ARHGAP24: variants seen among roughly 807,000 people sequenced by gnomAD.
ARHGAP24 encodes the protein rho GTPase-activating protein 24.
ARHGAP24 carries 50 observed loss-of-function variants against 76.4 expected under a neutral mutation model. The ratio of observed to expected loss-of-function variants is 0.65; its 90% CI spans 0.52 to 0.83. ARHGAP24 has a LOEUF of 0.83. ARHGAP24 is among the 40% of genes least tolerant of loss of function. The pLI, the probability that ARHGAP24 is intolerant of heterozygous loss-of-function variation, is 0.00. For synonymous variants in ARHGAP24, 345 were observed against 323.3 expected (o/e 1.07, Z -0.72); for missense variants, 930 against 914.2 (o/e 1.02, Z -0.22).
chr4:85,525,966 G>A (rs140214048), intron 1 of ARHGAP24, among the ~76,000 whole-genome samples: 7 of 152,134 alleles, frequency 4.6e-5, no homozygotes, highest in Admixed American at 1.3e-4. Flanking sequence ...ACCCCCAAGG[G>A]CCTGTTCTCA....
intron 2 of ARHGAP24, among the ~76,000 whole-genome samples, chr4:85,584,156 G>A (rs1334520363): frequency 2.0e-5 from 3 of 151,840 alleles, no homozygotes; most frequent in African/African-American, 7.2e-5. Context: ...TGTTTATTGT[G>A]GCACTATTCA....
intron 3 of ARHGAP24, among the ~76,000 whole-genome samples, chr4:85,845,589 T>G (rs1388149770): frequency 2.0e-5 from 3 of 152,222 alleles, no homozygotes; most frequent in Non-Finnish European, 4.4e-5. Context: ...ATATTCCCTG[T>G]TCTTTCCCTT....
chr4:85,589,350 T>C (rs1254471181), intron 2 of ARHGAP24, among the ~76,000 whole-genome samples: 1 of 152,222 alleles, frequency 6.6e-6, no homozygotes, highest in African/African-American at 2.4e-5. Flanking sequence ...TCTTGAAATG[T>C]GTATTTTATT....
chr4:85,663,988 A>G (rs1196884479), intron 2 of ARHGAP24, among the ~76,000 whole-genome samples: 2,239 of 148,384 alleles, frequency 0.015, 55 homozygotes, highest in African/African-American at 0.055. Flanking sequence ...CTCTTTTTTG[A>G]TTTTGTCTCT....
At chr4:85,849,548 A>C (rs922878393) in intron 3 of ARHGAP24, among the ~76,000 whole-genome samples, 1 of 152,186 alleles carries the variant, frequency 6.6e-6, no homozygotes, top group Non-Finnish European at 1.5e-5. Context: ...GAGTGCTTCC[A>C]GTTTTTGCCC....
chr4:85,948,415 C>A (rs1407857120), intron 5 of ARHGAP24, among the ~76,000 whole-genome samples: 3 of 152,032 alleles, frequency 2.0e-5, no homozygotes, highest in Non-Finnish European at 4.4e-5. Context: ...GACATTATTG[C>A]AAAACATGTT....
intron 3 of ARHGAP24, among the ~76,000 whole-genome samples, chr4:85,728,789 G>A (rs75432507): frequency 0.033 from 5,011 of 152,186 alleles, 250 homozygotes; most frequent in African/African-American, 0.11. Context: ...GAGTTTTTGG[G>A]ATAATAATGT....
intron 3 of ARHGAP24, among the ~76,000 whole-genome samples, chr4:85,852,311 G>A (rs935018468): frequency 1.3e-5 from 2 of 152,186 alleles, no homozygotes; most frequent in African/African-American, 4.8e-5. Context: ...GTCATTTAAG[G>A]TTTTCTCTAC....
rs33974767 is a variant in ARHGAP24 at position 85,839,843 on chromosome 4, CTTT to C, written c.269-83783_269-83781del. Among the ~76,000 whole-genome samples, 51 of 105,626 alleles carry C rather than the reference CTTT, an allele frequency of 4.8e-4. 3 individuals carry two copies. Among genetic ancestry groups the C allele is most frequent in the East Asian group, 8.5e-4 (3 of 3,534 alleles). 69.3% of individuals were successfully genotyped at this position (105,626 alleles called of 152,430 possible). On this transcript the variant is annotated intron_variant, in intron 3 of 9. Coordinates refer to ENST00000395184, the MANE Select transcript of ARHGAP24 (RefSeq NM_001025616.3). ...CTACCAAGTGTCTTTTTTCTGTTTT[CTTT>C]TTTTTTTTTTTTTTTTTTTTTGAGA...
chr4:85,982,088 C>T (rs973817577), intron 8 of ARHGAP24, among the ~76,000 whole-genome samples: 1 of 151,340 alleles, frequency 6.6e-6, no homozygotes, highest in African/African-American at 2.4e-5. Flanking sequence ...GGAAATGTTG[C>T]CCATGAGTTT....
intron 1 of ARHGAP24, among the ~76,000 whole-genome samples, chr4:85,543,593 G>T (rs1725793660): frequency 6.6e-6 from 1 of 152,016 alleles, no homozygotes; most frequent in African/African-American, 2.4e-5. Flanking sequence ...ATTCTGAATG[G>T]CTTCTGAATC....
intron 2 of ARHGAP24, among the ~76,000 whole-genome samples, chr4:85,580,658 G>A (rs1056101237): frequency 9.2e-5 from 14 of 152,120 alleles, no homozygotes; most frequent in African/African-American, 3.4e-4. Flanking sequence ...CTCAGCACGT[G>A]ACAAACTGAG....
At chr4:85,819,109 T>G (rs1456738105) in intron 3 of ARHGAP24, among the ~76,000 whole-genome samples, 1 of 152,228 alleles carries the variant, frequency 6.6e-6, no homozygotes, top group Non-Finnish European at 1.5e-5. Flanking sequence ...TAAATTAAAT[T>G]TTTACACATC....
At chr4:85,488,578 G>C (rs141405337) in intron 1 of ARHGAP24, among the ~76,000 whole-genome samples, 165 of 152,222 alleles carry the variant, frequency 1.1e-3, no homozygotes, top group African/African-American at 3.9e-3. Flanking sequence ...AGTGATTGAG[G>C]TGATTTGCCC....
intron 4 of ARHGAP24, among the ~76,000 whole-genome samples, chr4:85,934,045 T>C (rs896545942): frequency 3.3e-5 from 5 of 152,198 alleles, no homozygotes; most frequent in Non-Finnish European, 2.9e-5. Flanking sequence ...ACCTAAGTAG[T>C]GGCTTTTCAA....
intron 5 of ARHGAP24, among the ~76,000 whole-genome samples, chr4:85,943,048 C>T: frequency 6.6e-6 from 1 of 152,208 alleles, no homozygotes; most frequent in East Asian, 1.9e-4. Flanking sequence ...TAATATTTCA[C>T]TCTACAGGTA....
At chr4:85,760,213 G>A (rs1364636026) in intron 3 of ARHGAP24, among the ~76,000 whole-genome samples, 2 of 152,042 alleles carry the variant, frequency 1.3e-5, no homozygotes, top group African/African-American at 2.4e-5. Context: ...TAACTGAAAC[G>A]AAGTCTAGTT....
intron 2 of ARHGAP24, among the ~76,000 whole-genome samples, chr4:85,708,564 A>G (rs771219617): frequency 7.2e-5 from 11 of 152,146 alleles, no homozygotes; most frequent in Non-Finnish European, 1.5e-4. Context: ...CCTCTTATCC[A>G]CTTTACTGTC....
intron 1 of ARHGAP24, among the ~76,000 whole-genome samples, chr4:85,535,690 G>A (rs772958036): frequency 5.9e-5 from 9 of 152,030 alleles, no homozygotes; most frequent in East Asian, 1.9e-4. Flanking sequence ...AAGAGACTAC[G>A]GTGGAGTTTA....
Sources: gnomAD v4.1 joint callset for allele counts (sites outside exome capture counted in the v4.1 genomes callset) on GRCh38, gnomAD v4.1.1 for gene constraint, MANE v1.5 for transcripts, NCBI Gene and HGNC (gene_info 2026-07-23, HGNC 2026-07-21) for gene names.